FBXO7: variants seen among roughly 807,000 people sequenced by gnomAD.
FBXO7 encodes the protein F-box protein 7, also known as F-box only protein 7.
FBXO7 carries 31 observed loss-of-function variants against 50.2 expected under a neutral mutation model. That is an observed-to-expected ratio of 0.62 (90% CI 0.46 to 0.83). The LOEUF (loss-of-function observed/expected upper bound fraction) is 0.83, where lower values mean the gene tolerates loss of function less well. Among genes scored for constraint, FBXO7 ranks in the 40% least tolerant of loss-of-function variants. The pLI is 0.00. For missense variants in FBXO7, 667 were observed against 646.6 expected (o/e 1.03, Z -0.34); for synonymous variants, 256 against 253.1 (o/e 1.01, Z -0.11).
At chr22:32,496,077 T>C (rs1485709647) in intron 8 of FBXO7, among the ~76,000 whole-genome samples, 1 of 152,228 alleles carries the variant, frequency 6.6e-6, no homozygotes, top group Non-Finnish European at 1.5e-5. Flanking sequence ...AAGTAGTCAG[T>C]GCCCAGCTTC....
In FBXO7 at chr22:32,478,906, T is replaced by C. The variant is rs560399482; in HGVS notation, c.123-75T>C. On this transcript the variant is annotated intron_variant, in intron 1 of 8. Coordinates refer to ENST00000266087, the MANE Select transcript of FBXO7 (RefSeq NM_012179.4). The stretch of plus-strand genomic sequence containing the variant: ...CTTCTAGGGTCATACTGTGTACTTA[T>C]GTATGCTTCAGATGTGCTATTGAAG... The C allele has an allele frequency of 6.9e-5, 91 of 1,310,214 alleles. No individual in the cohort carries two copies. In the African/African-American group the frequency reaches 8.2e-4, roughly 12 times the overall value. The allele number at this position is 1,310,214 out of a possible 1,614,324, so 81.2% of individuals were successfully genotyped here. A position where few individuals can be genotyped will look rare whatever the true frequency, so the allele number is the denominator to read the frequency against.
At position 32,498,504 on chromosome 22, in the gene FBXO7, A is replaced by G. The variant is rs769820731; in HGVS notation, c.1543A>G (p.Thr515Ala). 7 of 1,613,824 alleles carry G rather than the reference A, an allele frequency of 4.3e-6. No individual in the cohort carries two copies. The highest frequency in any genetic ancestry group is 1.1e-5 in the South Asian group (1 of 91,068). Residue 515 changes from threonine to alanine, a missense_variant, in exon 9 of 9, where the codon ACT becomes GCT. Thr to Ala is a moderately conservative substitution (Grantham distance 58). Transcript: ENST00000266087. Reference sequence around the variant, plus strand: ...CTTTAGACCCAGCAGGGGTCGGCCAACTGATGGCCGGCTGTCATTCATGTG... The same window carrying G: ...CTTTAGACCCAGCAGGGGTCGGCCAGCTGATGGCCGGCTGTCATTCATGTG... Reference protein sequence around the residue: ...FPFRPSRGRPTDGRLSFM With the variant: ...FPFRPSRGRPADGRLSFM
intron 2 of FBXO7, among the ~76,000 whole-genome samples, chr22:32,480,085 G>A (rs1016116317): frequency 3.3e-5 from 5 of 152,066 alleles, no homozygotes; most frequent in Non-Finnish European, 7.4e-5. Flanking sequence ...AATAAGCTTT[G>A]TCAGTTCTTC....
At chr22:32,489,623 C>G (rs1008158581) in intron 5 of FBXO7, 11 of 152,172 alleles carry the variant, frequency 7.2e-5, no homozygotes, top group African/African-American at 2.7e-4. Context: ...TTTAAAACAA[C>G]TTTTACAGGA....
chr22:32,477,617 T>C (rs2057437210), intron 1 of FBXO7, among the ~76,000 whole-genome samples: 1 of 152,200 alleles, frequency 6.6e-6, no homozygotes, highest in Non-Finnish European at 1.5e-5. Context: ...ATTTAGCTTG[T>C]CATCATCAGT....
rs1342246831 is a variant in FBXO7, at chr22:32,475,590, A to G, written c.122+466A>G. ...TCAATGAAAAAGTTTGGAAATTGCT[A>G]GAAGTTAAAAATCTGCCCTCAATCC... is the stretch of plus-strand genomic sequence containing the variant. On this transcript the variant is annotated intron_variant, in intron 1 of 8. Coordinates refer to ENST00000266087, the MANE Select transcript of FBXO7 (RefSeq NM_012179.4). 7 of 727,280 alleles carry G rather than the reference A, an allele frequency of 9.6e-6. No homozygotes were observed. The Admixed American group carries it at 1.5e-4, about 16-fold the overall frequency. The allele number at this position is 727,280 out of a possible 1,614,324, so 45.1% of individuals were successfully genotyped here.
chr22:32,497,373 G>C (rs1232546461), intron 8 of FBXO7, among the ~76,000 whole-genome samples: 1 of 152,068 alleles, frequency 6.6e-6, no homozygotes, highest in African/African-American at 2.4e-5. Context: ...CATCCTCATA[G>C]GTTAGGTCTC....
chr22:32,479,149 A>T lies in FBXO7; in HGVS notation c.291A>T (p.Ser97=). The T allele has an allele frequency of 1.9e-6, 3 of 1,613,976 alleles. No individual in the cohort carries two copies. Among genetic ancestry groups the T allele is most frequent in the Non-Finnish European group, 2.5e-6 (3 of 1,180,006 alleles). ...IPSSTDSEHS[S]LQNNEQPSLA... ...CATCCACAGATTCAGAGCATTCTTC[A>T]CTCCAGAATAATGAGCAACCCTCTT... is the stretch of plus-strand genomic sequence containing the variant. Residue 97 remains serine (S), a synonymous_variant, in exon 2 of 9, where the codon TCA becomes TCT. Transcript: ENST00000266087.
intron 2 of FBXO7, among the ~76,000 whole-genome samples, chr22:32,480,342 C>G (rs1601504770): frequency 6.6e-6 from 1 of 152,126 alleles, no homozygotes; most frequent in Non-Finnish European, 1.5e-5. Context: ...AGTTACTCCA[C>G]TCAACTTTTT....
intron 4 of FBXO7, chr22:32,487,447 T>C (rs2057505630): frequency 4.1e-6 from 1 of 243,698 alleles, no homozygotes; most frequent in South Asian, 8.2e-5. Context: ...TTTAGTTGCC[T>C]CTGATTAACC....
rs2057594077 is a variant in FBXO7 at position 32,498,604 on chromosome 22, C to T, written c.*74C>T. The T allele has an allele frequency of 2.0e-6, 3 of 1,502,018 alleles. 1 individual carries two copies. The East Asian group carries it at 7.2e-5, about 36-fold the overall frequency. 93.0% of individuals were successfully genotyped at this position (1,502,018 alleles called of 1,614,324 possible). Reference sequence around the variant, plus strand: ...CTACAGATGTCAACTCCTTGGGGTGCTGATCTCGAGTGTTATTTTCTGATT... The same window carrying T: ...CTACAGATGTCAACTCCTTGGGGTGTTGATCTCGAGTGTTATTTTCTGATT... On this transcript the variant is annotated 3_prime_UTR_variant, in exon 9 of 9. Coordinates refer to ENST00000266087, the MANE Select transcript of FBXO7 (RefSeq NM_012179.4).
At chr22:32,479,459 G>T (rs550823664) in intron 2 of FBXO7, among the ~76,000 whole-genome samples, 184 bp downstream of exon 2, 1 of 148,738 alleles carries the variant, frequency 6.7e-6, no homozygotes, top group African/African-American at 2.5e-5. Flanking sequence ...GTGCAGTGGC[G>T]CAATCTCTGC....
intron 6 of FBXO7, chr22:32,491,416 TGA>T: frequency 4.4e-6 from 2 of 457,584 alleles, no homozygotes; most frequent in Admixed American, 7.9e-5. Flanking sequence ...ATTGTTGATA[TGA>T]TTTCTTTCCA....
rs542687115 is a variant in FBXO7, at chr22:32,486,069, G to A, written c.787+860G>A. On this transcript the variant is annotated intron_variant, in intron 4 of 8. Transcript: ENST00000266087. The stretch of plus-strand genomic sequence containing the variant: ...AAGGCAGTTGCTTTGGTAAGCCTTA[G>A]GTCAAAGGTTTAGGTCAGAGGTTTT... Among the ~76,000 whole-genome samples the A allele has an allele frequency of 2.6e-5, 4 of 152,208 alleles. 1 individual carries two copies. The highest frequency in any genetic ancestry group is 7.2e-5 in the African/African-American group (3 of 41,532).
intron 4 of FBXO7, 59 bp downstream of exon 4, chr22:32,485,268 A>T: frequency 6.2e-7 from 1 of 1,605,288 alleles, no homozygotes; most frequent in Non-Finnish European, 8.5e-7. Flanking sequence ...TTTCTTTCCA[A>T]ATGTTTTATA....
rs369894369 is a variant in FBXO7, at chr22:32,475,184, A to G, written c.122+60A>G. The G allele has an allele frequency of 6.8e-4, 727 of 1,066,318 alleles. 5 individuals carry two copies. In the East Asian group the frequency reaches 0.026, roughly 38 times the overall value. 66.1% of individuals were successfully genotyped at this position (1,066,318 alleles called of 1,614,324 possible). A position where few individuals can be genotyped will look rare whatever the true frequency, so the allele number is the denominator to read the frequency against. ...AGTGGGGAGTGCTTGGGGTGGGTGC[A>G]GGGCGGGTTGGCGTCATCTGTGGGC... On this transcript the variant is annotated intron_variant, in intron 1 of 8. Transcript: ENST00000266087.
At chr22:32,485,355 C>A in intron 4 of FBXO7, 146 bp downstream of exon 4, 5 of 1,068,718 alleles carry the variant, frequency 4.7e-6, no homozygotes, top group South Asian at 2.6e-5. Context: ...CCACTGATAA[C>A]ATGTGTCTGG....
chr22:32,491,564 TATTTAGATATATATGTCTATATAGAC>T (rs1292137827), intron 6 of FBXO7: 5 of 88,206 alleles, frequency 5.7e-5, no homozygotes, highest in East Asian at 3.5e-4. Flanking sequence ...TATAGACATA[TATTTAGATATATATGTCTATATAGAC>T]ATATATTTAG....
chr22:32,490,853 A>G (rs1487734513), intron 5 of FBXO7: 1 of 484,342 alleles, frequency 2.1e-6, no homozygotes, highest in East Asian at 3.9e-5. Context: ...TGAGCTAGAG[A>G]GGTTGGGCAC....
Sources: gnomAD v4.1 joint callset for allele counts (sites outside exome capture counted in the v4.1 genomes callset) on GRCh38, gnomAD v4.1.1 for gene constraint, MANE v1.5 for transcripts, NCBI Gene and HGNC (gene_info 2026-07-23, HGNC 2026-07-21) for gene names.